The following PLPP1 variants were observed in gnomAD, a reference collection of about 807,000 sequenced individuals.
The protein encoded by PLPP1 is phospholipid phosphatase 1.
PLPP1 carries 24 observed loss-of-function variants against 31.2 expected under a neutral mutation model. The ratio of observed to expected loss-of-function variants is 0.77; its 90% confidence interval spans 0.56 to 1.08. PLPP1 has a LOEUF of 1.08. Ranked by LOEUF, PLPP1 falls within the 50% of genes least tolerant of loss-of-function variation. The pLI, the probability that PLPP1 is intolerant of heterozygous loss-of-function variation, is 0.00. For synonymous variants in PLPP1, 146 were observed against 126.3 expected (o/e 1.16, Z -1.05); for missense variants, 319 against 342.7 (o/e 0.93, Z 0.55).
intron 1 of PLPP1, among the ~76,000 whole-genome samples, chr5:55,510,135 G>C (rs182425437): frequency 6.6e-6 from 1 of 151,914 alleles, no homozygotes; most frequent in African/African-American, 2.4e-5. Flanking sequence ...TGTTTACATG[G>C]AACTAGGGTT....
chr5:55,509,042 G>A (rs77112784), intron 1 of PLPP1: 2,632 of 152,416 alleles, frequency 0.017, 29 homozygotes, highest in Middle Eastern at 0.039. Flanking sequence ...TCAATCTGCT[G>A]TTAGACAACT....
chr5:55,448,674 C>T (rs553655770), intron 3 of PLPP1, among the ~76,000 whole-genome samples: 1 of 152,202 alleles, frequency 6.6e-6, no homozygotes, highest in African/African-American at 2.4e-5. Context: ...TCTCAAACTC[C>T]TGACCTCAGG....
chr5:55,512,718 T>C (rs1318453124), intron 1 of PLPP1, among the ~76,000 whole-genome samples: 1 of 37,710 alleles, frequency 2.7e-5, no homozygotes, highest in Non-Finnish European at 6.1e-5. Context: ...AAATACATTA[T>C]AAACTACACA....
intron 3 of PLPP1, 131 bp from the exon 4 acceptor site, chr5:55,442,039 A>C: frequency 2.5e-6 from 2 of 812,226 alleles, no homozygotes; most frequent in South Asian, 3.2e-5. Flanking sequence ...TTAGAAGGGT[A>C]CGGCAGGGGG....
chr5:55,504,364 A>T (rs1753220287), intron 1 of PLPP1, among the ~76,000 whole-genome samples: 1 of 148,556 alleles, frequency 6.7e-6, no homozygotes, highest in Admixed American at 6.7e-5. Context: ...CTGTATCAAA[A>T]AAAAAAAAAA....
In PLPP1 at chr5:55,425,037, ACT is replaced by A. The variant is rs1751134460; in HGVS notation, c.*167_*168del. The A allele has an allele frequency of 4.3e-6, 4 of 924,100 alleles. No homozygotes were observed. Among genetic ancestry groups the A allele is most frequent in the Middle Eastern group, 6.6e-4 (2 of 3,008 alleles). The allele number at this position is 924,100 out of a possible 1,614,324, so 57.2% of individuals were successfully genotyped here. A position where few individuals can be genotyped will look rare whatever the true frequency, so the allele number is the denominator to read the frequency against. ...ATGAGTTTAGAGCTATTAGATAACC[ACT>A]GAGTTAAAGGTAACTATGTACACAC... On this transcript the variant is annotated 3_prime_UTR_variant, in exon 6 of 6. Transcript: ENST00000307259.
intron 2 of PLPP1, chr5:55,468,378 G>A: frequency 5.1e-6 from 2 of 395,332 alleles, no homozygotes; most frequent in African/African-American, 2.0e-5. Context: ...GCCATGGCTG[G>A]GACAAAATTA....
At chr5:55,454,000 AACAAACC>A (rs1392178037) in intron 3 of PLPP1, among the ~76,000 whole-genome samples, 1 of 152,126 alleles carries the variant, frequency 6.6e-6, no homozygotes, top group Non-Finnish European at 1.5e-5. Flanking sequence ...GCAGCACAAT[AACAAACC>A]ACAAACCATA....
chr5:55,448,686 G>T (rs1271958631), intron 3 of PLPP1, among the ~76,000 whole-genome samples: 4 of 152,048 alleles, frequency 2.6e-5, no homozygotes, highest in African/African-American at 9.7e-5. Context: ...GACCTCAGGT[G>T]ATCCACCCAC....
chr5:55,429,691 C>G (rs1333944643), intron 4 of PLPP1, among the ~76,000 whole-genome samples: 2 of 152,076 alleles, frequency 1.3e-5, no homozygotes, highest in Non-Finnish European at 2.9e-5. Flanking sequence ...GCCCAACAGC[C>G]CCTGCATATC....
At chr5:55,427,242 C>G (rs1378722819) in intron 4 of PLPP1, among the ~76,000 whole-genome samples, 26 of 152,222 alleles carry the variant, frequency 1.7e-4, no homozygotes, top group Non-Finnish European at 2.8e-4. Context: ...CCCATGGACA[C>G]TGCCTATTTA....
chr5:55,448,504 G>A (rs574719875), intron 3 of PLPP1, among the ~76,000 whole-genome samples: 28 of 142,796 alleles, frequency 2.0e-4, no homozygotes, highest in Non-Finnish European at 3.0e-4. Context: ...CTGGAGTGCC[G>A]TGGTGCAATC....
intron 1 of PLPP1, among the ~76,000 whole-genome samples, chr5:55,526,616 C>A (rs1458140014): frequency 6.6e-6 from 1 of 152,050 alleles, no homozygotes; most frequent in Admixed American, 6.6e-5. Context: ...TCATCAGAAG[C>A]AAAATAAGTT....
At chr5:55,439,320 C>T (rs1751567685) in intron 4 of PLPP1, among the ~76,000 whole-genome samples, 1 of 152,164 alleles carries the variant, frequency 6.6e-6, no homozygotes, top group Non-Finnish European at 1.5e-5. Context: ...TCAAACCACG[C>T]TCAAATAAAG....
intron 1 of PLPP1, among the ~76,000 whole-genome samples, chr5:55,501,318 AAAAC>A (rs906665391): frequency 1.1e-4 from 17 of 152,264 alleles, no homozygotes; most frequent in African/African-American, 3.1e-4. Context: ...CGTCTCAAAA[AAAAC>A]AAACAAACAA....
At chr5:55,469,511 T>TAAAAAAA (rs11339238) in intron 2 of PLPP1, among the ~76,000 whole-genome samples, 1 of 143,880 alleles carries the variant, frequency 7.0e-6, no homozygotes, top group Non-Finnish European at 1.5e-5. Context: ...TAATAAAAAT[T>TAAAAAAA]AAAAAAAAAA....
intron 1 of PLPP1, among the ~76,000 whole-genome samples, chr5:55,512,936 A>C (rs1444298564): frequency 6.6e-6 from 1 of 152,268 alleles, no homozygotes; most frequent in Non-Finnish European, 1.5e-5. Flanking sequence ...TAGTGAATCA[A>C]GGAGAAGGTT....
intron 3 of PLPP1, among the ~76,000 whole-genome samples, chr5:55,444,340 C>T (rs1226677876): frequency 6.6e-6 from 1 of 152,158 alleles, no homozygotes; most frequent in Non-Finnish European, 1.5e-5. Context: ...CTCGGCCTCC[C>T]AAAGTGCTAG....
intron 1 of PLPP1, among the ~76,000 whole-genome samples, chr5:55,496,394 G>A (rs1273113460): frequency 2.6e-5 from 4 of 152,240 alleles, no homozygotes; most frequent in African/African-American, 9.6e-5. Flanking sequence ...ACCGCCGGGC[G>A]TGGTGGCTCA....
Sources: gnomAD v4.1 joint callset for allele counts (sites outside exome capture counted in the v4.1 genomes callset) on GRCh38, gnomAD v4.1.1 for gene constraint, MANE v1.5 for transcripts, NCBI Gene and HGNC (gene_info 2026-07-23, HGNC 2026-07-21) for gene names.